CEP152: variants seen among roughly 807,000 people sequenced by gnomAD.
CEP152 encodes centrosomal protein 152.
CEP152 carries 132 observed loss-of-function variants against 188.9 expected under a neutral mutation model. That is an observed-to-expected ratio of 0.70 (90% CI 0.61 to 0.81). CEP152 has a LOEUF of 0.81. Among genes scored for constraint, CEP152 ranks in the 30% least tolerant of loss-of-function variants. CEP152 has a pLI of 0.00. For synonymous variants in CEP152, 649 were observed against 666.6 expected (o/e 0.97, Z 0.41); for missense variants, 1,914 against 1,969.8 (o/e 0.97, Z 0.54).
At chr15:48,785,917 AAAAG>A (rs766534638) in intron 9 of CEP152, among the ~76,000 whole-genome samples, 5 of 137,242 alleles carry the variant, frequency 3.6e-5, no homozygotes, top group South Asian at 4.4e-4. Context: ...AAAAAAAAAA[AAAAG>A]AGAGAGAGAG....
Position 48,797,366 on chromosome 15 carries a change from G to A in CEP152, c.475C>T (p.Gln159Ter). The change falls in exon 5 of 27, where the codon CAG becomes TAG. Residue 159 changes from glutamine to a stop codon, truncating the protein, a stop_gained. Transcript: ENST00000380950. LOFTEE classifies it high-confidence loss of function. ...NFRPYTNGQK[Q>*]EFNNQATNVI... ...TTGGTTGCTTGGTTATTAAATTCCT[G>A]CTTCTGACCATTGGTATATGGCCTA... 6.2e-7 allele frequency: 1 copy of A among 1,614,064 alleles called. No individual in the cohort carries two copies. The highest frequency in any genetic ancestry group is 8.5e-7 in the Non-Finnish European group (1 of 1,179,960).
intron 24 of CEP152, among the ~76,000 whole-genome samples, 184 bp from the exon 25 acceptor site, chr15:48,742,284 G>C (rs980783729): frequency 4.6e-5 from 7 of 152,184 alleles, no homozygotes; most frequent in Admixed American, 4.6e-4. Flanking sequence ...AGACTCAAAT[G>C]AGAAGTACTC....
At position 48,797,336 on chromosome 15, in the gene CEP152, T is replaced by G; in HGVS notation, c.505A>C (p.Ile169Leu). 6.2e-7 allele frequency: 1 copy of G among 1,614,098 alleles called. No homozygotes were observed. Among genetic ancestry groups the G allele is most frequent in the Non-Finnish European group, 8.5e-7 (1 of 1,179,984 alleles). The part of the protein sequence containing the change: ...QEFNNQATNV[I>L]KFSDPQWNHF... ...TTCCATTGAGGATCTGAAAATTTAA[T>G]TACATTGGTTGCTTGGTTATTAAAT... Residue 169 changes from isoleucine to leucine, a missense_variant, in exon 5 of 27, where the codon ATT (isoleucine) becomes CTT (leucine). Coordinates refer to ENST00000380950, the MANE Select transcript of CEP152 (RefSeq NM_001194998.2).
downstream of CEP152, among the ~76,000 whole-genome samples, chr15:48,734,481 A>G (rs1416301636): frequency 2.0e-5 from 3 of 151,878 alleles, no homozygotes; most frequent in African/African-American, 7.2e-5. Flanking sequence ...GAGCAATTCA[A>G]TAACGAAAGA....
At chr15:48,730,076 A>T (rs1324821662) in intron 2 of CEP152, among the ~76,000 whole-genome samples, 1 of 152,180 alleles carries the variant, frequency 6.6e-6, no homozygotes, top group Admixed American at 6.5e-5. Context: ...AACCAAAGGG[A>T]AACAACCAAA....
intron 5 of CEP152, among the ~76,000 whole-genome samples, 193 bp from the exon 6 acceptor site, chr15:48,796,353 ATTG>A (rs1897298819): frequency 6.6e-6 from 1 of 151,896 alleles, no homozygotes; most frequent in Admixed American, 6.6e-5. Flanking sequence ...AGTAGCACGT[ATTG>A]TTATTTAACA....
At chr15:48,778,820 A>G in intron 12 of CEP152, among the ~76,000 whole-genome samples, 1 of 152,004 alleles carries the variant, frequency 6.6e-6, no homozygotes, top group African/African-American at 2.4e-5. Flanking sequence ...ATGGTGGCAC[A>G]TGCCTGTATT....
intron 10 of CEP152, chr15:48,783,126 C>T (rs1432513850): frequency 2.0e-5 from 3 of 152,184 alleles, no homozygotes; most frequent in Non-Finnish European, 4.4e-5. Context: ...TAACTGTTGA[C>T]CTGTTTTCAC....
intron 22 of CEP152, among the ~76,000 whole-genome samples, chr15:48,746,640 T>C (rs527460141): frequency 2.0e-5 from 3 of 152,276 alleles, no homozygotes; most frequent in South Asian, 4.1e-4. Context: ...TCAGTGGTAG[T>C]TACAGGTGGC....
intron 26 of CEP152, among the ~76,000 whole-genome samples, chr15:48,740,207 A>G (rs1451218213): frequency 1.3e-5 from 2 of 152,206 alleles, no homozygotes; most frequent in Non-Finnish European, 2.9e-5. Context: ...AGACTATTCC[A>G]TTATCATTAT....
rs762785569 is a variant in CEP152 at position 48,772,675 on chromosome 15, C to T, written c.1594G>A (p.Asp532Asn). 1.2e-6 allele frequency: 2 copies of T among 1,613,728 alleles called. No homozygotes were observed. Among genetic ancestry groups the T allele is most frequent in the African/African-American group, 1.3e-5 (1 of 74,892 alleles). Residue 532 changes from aspartate to asparagine, a missense_variant, in exon 13 of 27, where the codon GAC becomes AAC. Coordinates refer to ENST00000380950, the MANE Select transcript of CEP152 (RefSeq NM_001194998.2). Reference sequence around the variant, plus strand: ...TCTTTTGAAAGCTCTTCATTTGGGTCTTCTTCTTGTACAATGCTAATGGAG... The same window carrying T: ...TCTTTTGAAAGCTCTTCATTTGGGTTTTCTTCTTGTACAATGCTAATGGAG... Reference protein sequence around the residue: ...SKVTSIVQEEDPNEELSKDEF... With the variant: ...SKVTSIVQEENPNEELSKDEF...
In CEP152 at chr15:48,738,371, A is replaced by C. The variant is rs934118359; in HGVS notation, c.5011T>G (p.Phe1671Val). ...GGTAATGTACTGCTCAGTTTTTTGAAATCTGACTTTAATCTATCAGCCTTA... is the reference window on the plus strand; with the variant it reads ...GGTAATGTACTGCTCAGTTTTTTGACATCTGACTTTAATCTATCAGCCTTA... ...RHKADRLKSD[F>V]KKLSSTLPSS... Residue 1671 changes from phenylalanine (F) to valine (V), a missense_variant, in exon 27 of 27, where the codon TTC (phenylalanine) becomes GTC (valine). Phe to Val is a conservative substitution (Grantham distance 50). Transcript: ENST00000380950. 5.6e-6 allele frequency: 9 copies of C among 1,614,018 alleles called. No individual in the cohort carries two copies. Among genetic ancestry groups the C allele is most frequent in the Non-Finnish European group, 7.6e-6 (9 of 1,180,012 alleles).
At chr15:48,754,566 G>A (rs1009838130) in intron 20 of CEP152, among the ~76,000 whole-genome samples, 2 of 152,098 alleles carry the variant, frequency 1.3e-5, no homozygotes, top group African/African-American at 4.8e-5. Flanking sequence ...TTCATGGGAA[G>A]TGATCTTGCC....
chr15:48,738,892 G>T lies in CEP152; in HGVS notation c.4490C>A (p.Pro1497His). 6.2e-7 allele frequency: 1 copy of T among 1,614,184 alleles called. No homozygotes were observed. Among genetic ancestry groups the T allele is most frequent in the South Asian group, 1.1e-5 (1 of 91,072 alleles). Reference sequence around the variant, plus strand: ...TTTATTTCCTAAGGTTCCAAGAAAGGGGTATGCAGCTGAATGCGGAAGTGA... The same window carrying T: ...TTTATTTCCTAAGGTTCCAAGAAAGTGGTATGCAGCTGAATGCGGAAGTGA... ...SESLPHSAAY[P>H]FLGTLGNKPS... The change falls in exon 27 of 27, where the codon CCC becomes CAC. Residue 1497 changes from proline (P) to histidine (H), a missense_variant. Coordinates refer to ENST00000380950, the MANE Select transcript of CEP152 (RefSeq NM_001194998.2).
At chr15:48,795,048 A>G (rs909595751) in intron 6 of CEP152, among the ~76,000 whole-genome samples, 2 of 152,212 alleles carry the variant, frequency 1.3e-5, no homozygotes, top group African/African-American at 2.4e-5. Flanking sequence ...AACAAAAAGT[A>G]AAACAAAAAC....
chr15:48,734,139 T>A (rs1379195447), downstream of CEP152, among the ~76,000 whole-genome samples: 1 of 151,786 alleles, frequency 6.6e-6, no homozygotes, highest in Non-Finnish European at 1.5e-5. Flanking sequence ...TCTATTAAAT[T>A]CTTTAGAAGA....
chr15:48,805,633 C>T lies in CEP152; in HGVS notation c.17G>A (p.Gly6Asp). 1 of 1,612,718 alleles carries T rather than the reference C, an allele frequency of 6.2e-7. No individual in the cohort carries two copies. The highest frequency in any genetic ancestry group is 1.1e-5 in the South Asian group (1 of 91,040). ...ATTTTGCACTGGTAGTGCCACACTG[C>T]CAAAGTCTAATGACATGGTCCTCCT... MSLDFGSVALPVQNED... is the reference protein window; with the variant it reads MSLDFDSVALPVQNED... Residue 6 changes from glycine (G) to aspartate (D), a missense_variant, in exon 2 of 27, where the codon GGC (glycine) becomes GAC (aspartate). Coordinates refer to ENST00000380950, the MANE Select transcript of CEP152 (RefSeq NM_001194998.2).
At position 48,748,448 on chromosome 15, in the gene CEP152, A is replaced by T. The variant is rs1212080996; in HGVS notation, c.3629T>A (p.Ile1210Asn). ...ERKHKAVVEK[I>N]GEENNKVVEE... is the part of the protein sequence containing the mutation. ...GTGCTACTTTAAATGCTAACCTCCA[A>T]TTTTTTCCACTACAGCTTTGTGCTT... Residue 1210 changes from isoleucine to asparagine, a missense_variant, in exon 22 of 27, where the codon ATT becomes AAT. Coordinates refer to ENST00000380950, the MANE Select transcript of CEP152 (RefSeq NM_001194998.2). 1.3e-6 allele frequency: 2 copies of T among 1,528,544 alleles called. No homozygotes were observed. Among genetic ancestry groups the T allele is most frequent in the East Asian group, 4.9e-5 (2 of 40,824 alleles). The allele number at this position is 1,528,544 out of a possible 1,614,324, so 94.7% of individuals were successfully genotyped here.
intron 21 of CEP152, 40 bp downstream of exon 21, chr15:48,752,309 A>G (rs1893928973): frequency 1.2e-6 from 2 of 1,613,894 alleles, no homozygotes; most frequent in Admixed American, 1.7e-5. Flanking sequence ...ATGGGTGATT[A>G]TGGATGCTAC....
Sources: gnomAD v4.1 joint callset for allele counts (sites outside exome capture counted in the v4.1 genomes callset) on GRCh38, gnomAD v4.1.1 for gene constraint, MANE v1.5 for transcripts, NCBI Gene and HGNC (gene_info 2026-07-23, HGNC 2026-07-21) for gene names.